Variants in TTBK2 observed in about 807,000 individuals in gnomAD.
The protein encoded by TTBK2 is tau tubulin kinase 2.
A neutral mutation model predicts 110.8 loss-of-function variants in TTBK2; 28 were observed. That is an observed-to-expected ratio of 0.25 (90% CI 0.19 to 0.35). The LOEUF (loss-of-function observed/expected upper bound fraction) is 0.35, where lower values mean the gene tolerates loss of function less well. Among genes scored for constraint, TTBK2 ranks in the 10% least tolerant of loss-of-function variants. TTBK2 has a pLI of 1.00. For synonymous variants in TTBK2, 532 were observed against 527.3 expected (o/e 1.01, Z -0.12); for missense variants, 1,369 against 1,500.3 (o/e 0.91, Z 1.45).
Position 42,910,913 on chromosome 15 carries a change from A to G in TTBK2, c.-68+9525T>C, listed in dbSNP as rs575540882. On this transcript the variant is annotated intron_variant, in intron 1 of 14. Transcript: ENST00000267890. ...ATAAAAATTAGCCAGGCATGGTGGC[A>G]GGTGCCTGTAATCCCAGCTACTTGG... 5.3e-5 allele frequency among the ~76,000 whole-genome samples: 8 copies of G among 152,026 alleles called. No homozygotes were observed. The South Asian group carries it at 6.2e-4, about 12-fold the overall frequency.
intron 3 of TTBK2, among the ~76,000 whole-genome samples, chr15:42,847,812 TC>T (rs1187120081): frequency 6.6e-6 from 1 of 152,252 alleles, no homozygotes; most frequent in Admixed American, 6.5e-5. Context: ...GTCTTGATTA[TC>T]CTAGTTCTGT....
At chr15:42,820,248 T>C (rs1892234722) in intron 6 of TTBK2, among the ~76,000 whole-genome samples, 1 of 152,120 alleles carries the variant, frequency 6.6e-6, no homozygotes, top group Non-Finnish European at 1.5e-5. Context: ...CAAACCCAAC[T>C]GGAGAAAAAC....
intron 13 of TTBK2, among the ~76,000 whole-genome samples, chr15:42,768,057 C>A (rs1404303234): frequency 2.0e-5 from 3 of 152,220 alleles, no homozygotes; most frequent in Admixed American, 2.0e-4. Context: ...CAACAAAATT[C>A]AACAGCCCTT....
chr15:42,745,645 T>A lies in TTBK2; in HGVS notation c.*150A>T. The A allele has an allele frequency of 1.1e-6, 1 of 943,242 alleles. No individual in the cohort carries two copies. Among genetic ancestry groups the A allele is most frequent in the South Asian group, 1.4e-5 (1 of 70,994 alleles). The allele number at this position is 943,242 out of a possible 1,614,324, so 58.4% of individuals were successfully genotyped here. On this transcript the variant is annotated 3_prime_UTR_variant, in exon 15 of 15. Transcript: ENST00000267890. ...CTGCCTTAGGTAATTCCTTATCATG[T>A]ATTATGTCTTCTTATAAATAATTGA... is the stretch of plus-strand genomic sequence containing the variant.
intron 1 of TTBK2, among the ~76,000 whole-genome samples, chr15:42,881,431 T>A (rs1895046463): frequency 1.4e-5 from 2 of 145,040 alleles, no homozygotes. Context: ...TCAATTTACA[T>A]ACGAAAGCAC....
At chr15:42,763,084 T>TTATATATA (rs373174591) in intron 13 of TTBK2, among the ~76,000 whole-genome samples, 4 of 108,792 alleles carry the variant, frequency 3.7e-5, no homozygotes, top group African/African-American at 1.8e-4. Flanking sequence ...GTTAACAATT[T>TTATATATA]TATATATATA....
chr15:42,901,885 C>T (rs931678678), intron 1 of TTBK2, among the ~76,000 whole-genome samples: 1 of 151,954 alleles, frequency 6.6e-6, no homozygotes, highest in Non-Finnish European at 1.5e-5. Context: ...AAAAGATAGC[C>T]CCAACATCAC....
intron 6 of TTBK2, among the ~76,000 whole-genome samples, chr15:42,826,082 G>A (rs149688679): frequency 9.7e-4 from 147 of 151,746 alleles, no homozygotes; most frequent in African/African-American, 3.4e-3. Flanking sequence ...ATAACATGAC[G>A]GTATACTTAG....
At position 42,810,738 on chromosome 15, in the gene TTBK2, T is replaced by C; in HGVS notation, c.698A>G (p.Glu233Gly). The change falls in exon 9 of 15, where the codon GAG becomes GGG. Residue 233 changes from glutamate to glycine, a missense_variant and splice_region_variant. Physicochemically the swap from Glu to Gly is moderately conservative, Grantham distance 98. This residue lies in a region of TTBK2 where 138 missense variants were observed against 179.0 expected (regional missense o/e 0.77). Transcript: ENST00000267890. ...QLPWRKIKDK[E>G]QVGSIKERYD... is the part of the protein sequence containing the mutation. ...TCTCTCCTTAATAGAGCCTACTTGC[T>C]CCTGGGAAGTAAAGAGAAAAAGAGC... is the stretch of plus-strand genomic sequence containing the variant. 3 of 1,613,604 alleles carry C rather than the reference T, an allele frequency of 1.9e-6. No homozygotes were observed. Among genetic ancestry groups the C allele is most frequent in the Non-Finnish European group, 2.5e-6 (3 of 1,179,868 alleles).
Position 42,895,314 on chromosome 15 carries a change from A to G in TTBK2, c.-67-16630T>C, listed in dbSNP as rs1895622484. 2.0e-5 allele frequency among the ~76,000 whole-genome samples: 3 copies of G among 152,150 alleles called. No individual in the cohort carries two copies. In the South Asian group the frequency reaches 6.2e-4, roughly 32 times the overall value. On this transcript the variant is annotated intron_variant, in intron 1 of 14. Transcript: ENST00000267890. ...GCTATCTGCAAAAGGACAGAAATAT[A>G]AACACATGAAACAGAAAAACAGTCC...
chr15:42,774,137 T>C (rs537998229), intron 13 of TTBK2, among the ~76,000 whole-genome samples: 43 of 152,346 alleles, frequency 2.8e-4, no homozygotes, highest in Admixed American at 1.1e-3. Context: ...TTCACTGGTA[T>C]CTTTTCCCAC....
chr15:42,785,469 C>G (rs999478632), intron 10 of TTBK2, among the ~76,000 whole-genome samples: 1 of 152,048 alleles, frequency 6.6e-6, no homozygotes, highest in African/African-American at 2.4e-5. Context: ...GCCCTAGCAA[C>G]ACAAAGAGGA....
At chr15:42,900,637 G>A (rs991683589) in intron 1 of TTBK2, among the ~76,000 whole-genome samples, 1 of 151,922 alleles carries the variant, frequency 6.6e-6, no homozygotes, top group East Asian at 1.9e-4. Flanking sequence ...CAGGAGAATC[G>A]CTTGAACCCG....
intron 13 of TTBK2, among the ~76,000 whole-genome samples, chr15:42,763,405 C>A (rs776739769): frequency 6.7e-6 from 1 of 149,362 alleles, no homozygotes; most frequent in Middle Eastern, 3.4e-3. Flanking sequence ...GTAGACACAG[C>A]GTTTCACCAT....
chr15:42,793,709 G>A (rs1029992978), intron 10 of TTBK2, among the ~76,000 whole-genome samples: 5 of 151,992 alleles, frequency 3.3e-5, no homozygotes, highest in Admixed American at 1.3e-4. Flanking sequence ...TTAGCCGGGC[G>A]TGGTGGCAAA....
At chr15:42,909,176 G>C (rs2030597196) in intron 1 of TTBK2, among the ~76,000 whole-genome samples, 1 of 152,110 alleles carries the variant, frequency 6.6e-6, no homozygotes, top group South Asian at 2.1e-4. Context: ...CTCCAGGCTG[G>C]AGCGCAGTAG....
intron 4 of TTBK2, among the ~76,000 whole-genome samples, chr15:42,831,554 C>T (rs114035009): frequency 0.016 from 2,451 of 152,260 alleles, 65 homozygotes; most frequent in African/African-American, 0.055. Flanking sequence ...AGAAGCTGTT[C>T]CTGTGTCTGT....
chr15:42,775,766 C>T (rs1889891582), intron 12 of TTBK2, 43 bp from the exon 13 acceptor site: 1 of 1,482,002 alleles, frequency 6.7e-7, no homozygotes, highest in Non-Finnish European at 9.3e-7. Context: ...CCTAAGGAAA[C>T]ATTTATTATA....
At chr15:42,845,986 T>C (rs753985484) in intron 3 of TTBK2, among the ~76,000 whole-genome samples, 2 of 152,092 alleles carry the variant, frequency 1.3e-5, no homozygotes, top group South Asian at 2.1e-4. Context: ...TATAATCTTA[T>C]AGGACCACCG....
Sources: allele counts gnomAD v4.1 joint callset (sites outside exome capture counted in the v4.1 genomes callset), GRCh38; gene constraint gnomAD v4.1.1; regional missense constraint gnomAD v4.1.1; transcripts MANE v1.5; gene names NCBI Gene and HGNC (gene_info 2026-07-23, HGNC 2026-07-21).